SYNDIG1: variants seen among roughly 807,000 people sequenced by gnomAD.
The protein encoded by SYNDIG1 is synapse differentiation inducing 1.
A neutral mutation model predicts 19.4 loss-of-function variants in SYNDIG1; 9 were observed. That is an observed-to-expected ratio of 0.46 (90% confidence interval 0.28 to 0.81). The LOEUF (loss-of-function observed/expected upper bound fraction) is 0.81. Ranked by LOEUF, SYNDIG1 falls within the 30% of genes least tolerant of loss-of-function variation. The pLI is 0.12. For missense variants in SYNDIG1, 311 were observed against 343.3 expected (o/e 0.91, Z 0.74); for synonymous variants, 141 against 145.9 (o/e 0.97, Z 0.24).
intron 1 of SYNDIG1, among the ~76,000 whole-genome samples, chr20:24,480,286 A>T (rs1194484825): frequency 6.6e-6 from 1 of 152,216 alleles, no homozygotes; most frequent in Non-Finnish European, 1.5e-5. Context: ...TTTCAATCAG[A>T]ATGCCAATAT....
chr20:24,553,809 A>G (rs1442672172), intron 2 of SYNDIG1, among the ~76,000 whole-genome samples: 6 of 152,150 alleles, frequency 3.9e-5, no homozygotes, highest in Admixed American at 3.9e-4. Context: ...TTTGGTTCAT[A>G]TGAACTTTAA....
chr20:24,572,783 T>G lies in SYNDIG1; in HGVS notation c.481-12073T>G, dbSNP rs1455438683. Reference sequence around the variant, plus strand: ...ACTGTATCTTTCCATTCCCATGGCATTTTTGAAAAGATGAAACTGTAACAA... The same window carrying G: ...ACTGTATCTTTCCATTCCCATGGCAGTTTTGAAAAGATGAAACTGTAACAA... On this transcript the variant is annotated intron_variant, in intron 2 of 3. Transcript: ENST00000376862. Among the ~76,000 whole-genome samples the G allele has an allele frequency of 2.0e-5, 3 of 152,328 alleles. No homozygotes were observed. In the East Asian group the frequency reaches 5.8e-4, roughly 29 times the overall value.
intron 1 of SYNDIG1, among the ~76,000 whole-genome samples, chr20:24,489,235 T>C (rs1338957292): frequency 1.3e-5 from 2 of 151,996 alleles, no homozygotes; most frequent in Non-Finnish European, 1.5e-5. Context: ...GACATGTAGA[T>C]ACATGCACAC....
chr20:24,653,610 C>T (rs371094431), intron 3 of SYNDIG1, among the ~76,000 whole-genome samples: 2 of 152,326 alleles, frequency 1.3e-5, no homozygotes, highest in South Asian at 2.1e-4. Context: ...CTCCTTAGCC[C>T]CCCTGGCTCT....
At chr20:24,618,942 A>C (rs1387852034) in intron 3 of SYNDIG1, among the ~76,000 whole-genome samples, 1 of 152,188 alleles carries the variant, frequency 6.6e-6, no homozygotes, top group African/African-American at 2.4e-5. Context: ...AACAGCAAAA[A>C]ATATCATCAA....
chr20:24,477,126 A>C (rs1013426043), intron 1 of SYNDIG1, among the ~76,000 whole-genome samples: 1 of 152,230 alleles, frequency 6.6e-6, no homozygotes, highest in Non-Finnish European at 1.5e-5. Context: ...GATTTGCCAC[A>C]TACCTTTCCA....
chr20:24,645,831 C>A (rs1479773145), intron 3 of SYNDIG1, among the ~76,000 whole-genome samples: 1 of 152,192 alleles, frequency 6.6e-6, no homozygotes, highest in Non-Finnish European at 1.5e-5. Flanking sequence ...TCCTAGGAAC[C>A]AAAATATTCA....
At chr20:24,659,639 T>A (rs895625710) in intron 3 of SYNDIG1, among the ~76,000 whole-genome samples, 1 of 152,116 alleles carries the variant, frequency 6.6e-6, no homozygotes, top group Admixed American at 6.5e-5. Context: ...AAACGGCCAC[T>A]GCAAATACAA....
At chr20:24,527,993 A>G (rs957951096) in intron 1 of SYNDIG1, among the ~76,000 whole-genome samples, 1 of 152,158 alleles carries the variant, frequency 6.6e-6, no homozygotes, top group African/African-American at 2.4e-5. Flanking sequence ...ATAACTTACT[A>G]TTACTGTTAC....
At chr20:24,641,219 C>T (rs545112460) in intron 3 of SYNDIG1, among the ~76,000 whole-genome samples, 93 of 152,272 alleles carry the variant, frequency 6.1e-4, no homozygotes, top group African/African-American at 1.8e-3. Context: ...TGGTTTCACA[C>T]GCAGACATGT....
chr20:24,505,404 C>T (rs568424209), intron 1 of SYNDIG1, among the ~76,000 whole-genome samples: 64 of 152,220 alleles, frequency 4.2e-4, no homozygotes, highest in Non-Finnish European at 7.9e-4. Flanking sequence ...ACCCCCTCAG[C>T]GGGGAAGAGG....
chr20:24,600,883 G>A (rs1960530943), intron 3 of SYNDIG1, among the ~76,000 whole-genome samples: 1 of 152,056 alleles, frequency 6.6e-6, no homozygotes, highest in East Asian at 1.9e-4. Flanking sequence ...CCAAAGTGCT[G>A]GGATTACAGG....
At chr20:24,652,216 G>A (rs1011272853) in intron 3 of SYNDIG1, among the ~76,000 whole-genome samples, 9 of 152,330 alleles carry the variant, frequency 5.9e-5, no homozygotes, top group South Asian at 2.1e-4. Context: ...GCCAGACAGA[G>A]GCGTTGAAAG....
chr20:24,660,572 G>A (rs549534050), intron 3 of SYNDIG1, among the ~76,000 whole-genome samples: 2 of 152,318 alleles, frequency 1.3e-5, no homozygotes, highest in South Asian at 2.1e-4. Flanking sequence ...GACAAGGTGC[G>A]GTTGGCAGGA....
intron 3 of SYNDIG1, among the ~76,000 whole-genome samples, chr20:24,608,383 T>G (rs558413124): frequency 1.8e-4 from 27 of 152,244 alleles, no homozygotes; most frequent in Non-Finnish European, 3.1e-4. Flanking sequence ...TTCATCATGT[T>G]GGCCAGGCTG....
At chr20:24,652,393 A>C (rs2059481887) in intron 3 of SYNDIG1, among the ~76,000 whole-genome samples, 1 of 152,132 alleles carries the variant, frequency 6.6e-6, no homozygotes. Context: ...TTACCGAGGA[A>C]CGTTCACAAA....
intron 2 of SYNDIG1, among the ~76,000 whole-genome samples, chr20:24,579,002 T>C (rs996710217): frequency 1.7e-4 from 26 of 152,218 alleles, no homozygotes; most frequent in African/African-American, 6.0e-4. Flanking sequence ...CACCCGTCAG[T>C]CAGTATTGCA....
intron 2 of SYNDIG1, among the ~76,000 whole-genome samples, chr20:24,560,380 C>G (rs920537911): frequency 2.4e-4 from 37 of 151,996 alleles, no homozygotes; most frequent in African/African-American, 7.2e-4. Context: ...TTTCCTTTAA[C>G]ATTTTTCTTT....
chr20:24,585,056 G>GGGGGGGCCCCC, intron 3 of SYNDIG1, 63 bp downstream of exon 3: 1 of 545,664 alleles, frequency 1.8e-6, no homozygotes, highest in Admixed American at 2.3e-5. Context: ...GGTGGGGGCG[G>GGGGGGGCCCCC]CAATCCCAGC....
Sources: gnomAD v4.1 joint callset for allele counts (sites outside exome capture counted in the v4.1 genomes callset) on GRCh38, gnomAD v4.1.1 for gene constraint, MANE v1.5 for transcripts, NCBI Gene and HGNC (gene_info 2026-07-23, HGNC 2026-07-21) for gene names.